GRIK2: variants seen among roughly 807,000 people sequenced by gnomAD.
The protein encoded by GRIK2 is glutamate ionotropic receptor kainate type subunit 2, also known as glutamate receptor ionotropic, kainate 2.
Under a neutral mutation model 100.3 loss-of-function variants are expected in GRIK2, and 32 were observed. That is an observed-to-expected ratio of 0.32 (90% CI 0.24 to 0.43). The LOEUF is 0.43. Ranked by LOEUF, GRIK2 falls within the 20% of genes least tolerant of loss-of-function variation. GRIK2 has a pLI of 1.00. For missense variants in GRIK2, 843 were observed against 1,114.9 expected (o/e 0.76, Z 3.47); for synonymous variants, 417 against 389.4 (o/e 1.07, Z -0.83).
At chr6:101,749,059 T>A (rs921390642) in intron 7 of GRIK2, among the ~76,000 whole-genome samples, 1 of 152,150 alleles carries the variant, frequency 6.6e-6, no homozygotes, top group Non-Finnish European at 1.5e-5. Flanking sequence ...AAAACAAATT[T>A]ATGTACATTA....
intron 10 of GRIK2, among the ~76,000 whole-genome samples, chr6:101,854,182 G>T (rs1784292739): frequency 6.6e-6 from 1 of 152,078 alleles, no homozygotes; most frequent in Non-Finnish European, 1.5e-5. Flanking sequence ...CTCTAGGAGG[G>T]GTAGGGAGAT....
chr6:101,518,008 T>C (rs1196224026), intron 2 of GRIK2, among the ~76,000 whole-genome samples: 1 of 152,154 alleles, frequency 6.6e-6, no homozygotes, highest in Non-Finnish European at 1.5e-5. Flanking sequence ...AATAATTTCA[T>C]TGCAGCCTTT....
intron 7 of GRIK2, among the ~76,000 whole-genome samples, chr6:101,722,150 T>C (rs1241500445): frequency 1.3e-5 from 2 of 151,966 alleles, no homozygotes; most frequent in Non-Finnish European, 2.9e-5. Flanking sequence ...TTCTGAAAGA[T>C]TTATAGTGAT....
At position 101,859,328 on chromosome 6, in the gene GRIK2, C is replaced by T. The variant is rs771932383; in HGVS notation, c.1359C>T (p.Leu453=). The change falls in exon 11 of 17, where the codon CTC becomes CTT. Residue 453 remains leucine (L), a synonymous_variant. Coordinates refer to ENST00000369134, the MANE Select transcript of GRIK2 (RefSeq NM_021956.5). ...TTTTTAAGAAGTCTGACAAACCTCT[C>T]TATGGTAATGATCGATTTGAAGGCT... The part of the protein sequence containing the change: ...YVLFKKSDKP[L]YGNDRFEGYC... The T allele has an allele frequency of 1.2e-5, 19 of 1,605,886 alleles. No homozygotes were observed. The South Asian group carries it at 2.1e-4, about 18-fold the overall frequency.
chr6:101,740,738 T>A (rs1775971045), intron 7 of GRIK2, among the ~76,000 whole-genome samples: 2 of 152,156 alleles, frequency 1.3e-5, no homozygotes, highest in South Asian at 4.1e-4. Flanking sequence ...CTTTCAATCA[T>A]GGCAGAAAAG....
intron 2 of GRIK2, among the ~76,000 whole-genome samples, chr6:101,613,830 A>G (rs1052438447): frequency 3.3e-5 from 5 of 151,764 alleles, no homozygotes; most frequent in African/African-American, 7.2e-5. Context: ...AAACAATTTC[A>G]AAGTGTTAGG....
At chr6:102,031,129 C>CA (rs1554194473) in intron 14 of GRIK2, among the ~76,000 whole-genome samples, 676 of 52,952 alleles carry the variant, frequency 0.013, 17 homozygotes, top group Non-Finnish European at 0.025. Context: ...ACACACACAC[C>CA]CCCTTTGAGT....
chr6:101,586,144 T>G (rs899159575), intron 2 of GRIK2, among the ~76,000 whole-genome samples: 1 of 151,754 alleles, frequency 6.6e-6, no homozygotes, highest in East Asian at 1.9e-4. Flanking sequence ...CACCCAGGAA[T>G]AAGAAGCAAT....
intron 2 of GRIK2, among the ~76,000 whole-genome samples, chr6:101,460,448 C>T (rs1244001739): frequency 6.6e-6 from 1 of 152,142 alleles, no homozygotes; most frequent in African/African-American, 2.4e-5. Flanking sequence ...TTAAAATAAA[C>T]TTGTATTGGT....
At chr6:101,596,988 C>T (rs1424684912) in intron 2 of GRIK2, among the ~76,000 whole-genome samples, 2 of 151,824 alleles carry the variant, frequency 1.3e-5, no homozygotes, top group Non-Finnish European at 2.9e-5. Flanking sequence ...TGGAATCAAC[C>T]TAGGTGCCCA....
intron 14 of GRIK2, among the ~76,000 whole-genome samples, chr6:101,943,162 A>C (rs1791063032): frequency 6.6e-6 from 1 of 152,160 alleles, no homozygotes; most frequent in South Asian, 2.1e-4. Context: ...TGTTTCAGAG[A>C]GTGCAAGCCC....
At chr6:101,978,529 A>C (rs1019008516) in intron 14 of GRIK2, among the ~76,000 whole-genome samples, 1 of 151,816 alleles carries the variant, frequency 6.6e-6, no homozygotes, top group Admixed American at 6.6e-5. Context: ...AACATTACTC[A>C]CTTTGTAATC....
rs1305036479 is a variant in GRIK2, at chr6:101,494,895, A to G, written c.115+95503A>G. On this transcript the variant is annotated intron_variant, in intron 2 of 16. Coordinates refer to ENST00000369134, the MANE Select transcript of GRIK2 (RefSeq NM_021956.5). ...GTTGTAGTGAGCTGAGATTGAGCCA[A>G]TGTCTGGGAGACAGAGTGAGACTCT... Among the ~76,000 whole-genome samples the G allele has an allele frequency of 2.0e-5, 3 of 149,298 alleles. No individual in the cohort carries two copies. The Admixed American group carries it at 2.0e-4, about 10-fold the overall frequency.
At chr6:101,690,770 C>G (rs1402388075) in intron 7 of GRIK2, among the ~76,000 whole-genome samples, 3 of 152,140 alleles carry the variant, frequency 2.0e-5, no homozygotes, top group Non-Finnish European at 2.9e-5. Flanking sequence ...ATCACCTATT[C>G]CAGCATAGGA....
At chr6:101,697,234 C>T (rs562641100) in intron 7 of GRIK2, among the ~76,000 whole-genome samples, 78 of 152,018 alleles carry the variant, frequency 5.1e-4, no homozygotes, top group African/African-American at 1.8e-3. Context: ...TGACTTATAA[C>T]ATAGAATTTG....
chr6:101,606,715 G>A (rs545836427), intron 2 of GRIK2, among the ~76,000 whole-genome samples: 77 of 151,998 alleles, frequency 5.1e-4, no homozygotes, highest in Non-Finnish European at 8.5e-4. Context: ...CCTTATATTT[G>A]TATTAGCACT....
At chr6:101,922,313 A>G (rs893612657) in intron 12 of GRIK2, among the ~76,000 whole-genome samples, 50 of 152,188 alleles carry the variant, frequency 3.3e-4, no homozygotes, top group African/African-American at 1.1e-3. Flanking sequence ...TGAAACATCT[A>G]TATAATACTT....
chr6:102,028,998 TTAC>T (rs1483708993), intron 14 of GRIK2, among the ~76,000 whole-genome samples: 1 of 151,316 alleles, frequency 6.6e-6, no homozygotes, highest in Non-Finnish European at 1.5e-5. Flanking sequence ...TGTGCTTAGC[TTAC>T]TACCTGTCTT....
At chr6:101,549,675 G>A (rs756442716) in intron 2 of GRIK2, among the ~76,000 whole-genome samples, 7 of 151,948 alleles carry the variant, frequency 4.6e-5, no homozygotes, top group Non-Finnish European at 1.0e-4. Context: ...AAAATGCTAG[G>A]GTAAGAAGAG....
Sources: gnomAD v4.1 joint callset for allele counts (sites outside exome capture counted in the v4.1 genomes callset) on GRCh38, gnomAD v4.1.1 for gene constraint, MANE v1.5 for transcripts, NCBI Gene and HGNC (gene_info 2026-07-23, HGNC 2026-07-21) for gene names.